GTPBP2: variants seen among roughly 807,000 people sequenced by gnomAD.
GTPBP2 encodes GTP binding protein 2.
GTPBP2 carries 32 observed loss-of-function variants against 63.0 expected under a neutral mutation model. That is an observed-to-expected ratio of 0.51 (90% CI 0.38 to 0.68). The LOEUF is 0.68. GTPBP2 is among the 30% of genes least tolerant of loss of function. The pLI is 0.00. For synonymous variants in GTPBP2, 310 were observed against 322.6 expected, an observed-to-expected ratio of 0.96 and a Z score of 0.42; for missense variants, 492 against 796.9, an observed-to-expected ratio of 0.62 and a Z score of 4.61.
chr6:43,624,507 T>C lies in GTPBP2; in HGVS notation c.1100+3A>G. On this transcript the variant is annotated splice_donor_region_variant and intron_variant, in intron 7 of 11. Coordinates refer to ENST00000307126, the MANE Select transcript of GTPBP2 (RefSeq NM_019096.5). The surrounding 1 kb of genome is among the most constrained non-coding windows in gnomAD (Gnocchi z 5.1). ...TCAGGGCTTTAGAGTAAGGTGGGCT[T>C]ACTTGGGTGACTGAGCAAACTGCTG... is the stretch of plus-strand genomic sequence containing the variant. 1.9e-6 allele frequency: 3 copies of C among 1,608,658 alleles called. No individual in the cohort carries two copies. The highest frequency in any genetic ancestry group is 2.5e-6 in the Non-Finnish European group (3 of 1,176,656).
At position 43,624,732 on chromosome 6, in the gene GTPBP2, G is replaced by A; in HGVS notation, c.881-3C>T. ...CAGATGTTCCCTTGTGGTGCCAGCT[G>A]CCTCATAAGGACAGCAAGCAGCAGG... On this transcript the variant is annotated splice_region_variant and splice_polypyrimidine_tract_variant and intron_variant, in intron 6 of 11. Transcript: ENST00000307126. The surrounding 1 kb of genome is among the most constrained non-coding windows in gnomAD (Gnocchi z 5.1). 1.9e-6 allele frequency: 3 copies of A among 1,613,056 alleles called. No individual in the cohort carries two copies. Among genetic ancestry groups the A allele is most frequent in the South Asian group, 1.1e-5 (1 of 91,052 alleles).
rs970791266 is a variant in GTPBP2, at chr6:43,627,000, C to T, written c.187-52G>A. 8 of 1,498,186 alleles carry T rather than the reference C, an allele frequency of 5.3e-6. No homozygotes were observed. In the African/African-American group the frequency reaches 5.6e-5, roughly 10 times the overall value. The allele number at this position is 1,498,186 out of a possible 1,614,324, so 92.8% of individuals were successfully genotyped here. A position where few individuals can be genotyped will look rare whatever the true frequency, so the allele number is the denominator to read the frequency against. Reference sequence around the variant, plus strand: ...ATACACTGTACAGACCCAATCCCTACTTCCCCTCAATTCCCACTGGGTCCA... The same window carrying T: ...ATACACTGTACAGACCCAATCCCTATTTCCCCTCAATTCCCACTGGGTCCA... On this transcript the variant is annotated intron_variant, in intron 1 of 11. Coordinates refer to ENST00000307126, the MANE Select transcript of GTPBP2 (RefSeq NM_019096.5). This position sits in a 1 kb window ranked among gnomAD's most constrained non-coding sequence, Gnocchi z 4.0.
intron 11 of GTPBP2, 95 bp downstream of exon 11, chr6:43,621,908 A>C (rs749533467): frequency 1.3e-6 from 2 of 1,598,398 alleles, no homozygotes; most frequent in Non-Finnish European, 1.7e-6. Flanking sequence ...GTGGGGTTTT[A>C]TTCCCATTGT....
rs542320424 is a variant in GTPBP2, at chr6:43,623,394, AAAAG to A, written c.1295+339_1295+342del. 1.6e-3 allele frequency: 441 copies of A among 267,276 alleles called. 1 individual carries two copies. Among genetic ancestry groups the A allele is most frequent in the Middle Eastern group, 6.3e-3 (5 of 796 alleles). 16.6% of individuals were successfully genotyped at this position (267,276 alleles called of 1,614,324 possible). ...AACAGAGCGAGACTCTGTCTCAAAA[AAAAG>A]AAAGAAAGAAAGAAAGAAGAGTCTT... On this transcript the variant is annotated intron_variant, in intron 9 of 11. Coordinates refer to ENST00000307126, the MANE Select transcript of GTPBP2 (RefSeq NM_019096.5).
Position 43,625,851 on chromosome 6 carries a change from T to C in GTPBP2, c.412A>G (p.Ile138Val). ...HRMAEKVGAD[I>V]TVLREREVDY... ...ACTTCTCGCTCTCGAAGAACGGTTATGTCTGCCCCAACCCTGTCACAGCAA... is the reference window on the plus strand; with the variant it reads ...ACTTCTCGCTCTCGAAGAACGGTTACGTCTGCCCCAACCCTGTCACAGCAA... Residue 138 changes from isoleucine (I) to valine (V), a missense_variant, in exon 4 of 12, where the codon ATA (isoleucine) becomes GTA (valine). By Grantham distance (29) the Ile-to-Val change is conservative. This residue lies in a region of GTPBP2 where 400 missense variants were observed against 710.8 expected (regional missense o/e 0.56). Coordinates refer to ENST00000307126, the MANE Select transcript of GTPBP2 (RefSeq NM_019096.5). The surrounding 1 kb of genome is among the most constrained non-coding windows in gnomAD (Gnocchi z 5.1). The C allele has an allele frequency of 6.2e-7, 1 of 1,613,836 alleles. No homozygotes were observed. The highest frequency in any genetic ancestry group is 8.5e-7 in the Non-Finnish European group (1 of 1,179,716).
In GTPBP2 at chr6:43,624,987, G is replaced by C; in HGVS notation, c.781C>G (p.Leu261Val). Reference protein sequence around the residue: ...SSSKMITFIDLAGHHKYLHTT... With the variant: ...SSSKMITFIDVAGHHKYLHTT... ...TGTAGGTACTTATGGTGGCCTGCCA[G>C]GTCGATGAAGGTGATCATCTTGGAG... Residue 261 changes from leucine to valine, a missense_variant, in exon 6 of 12, where the codon CTG (leucine) becomes GTG (valine). Physicochemically the swap from Leu to Val is conservative, Grantham distance 32. This residue lies in a region of GTPBP2 where 400 missense variants were observed against 710.8 expected (regional missense o/e 0.56). Transcript: ENST00000307126. The surrounding 1 kb of genome is among the most constrained non-coding windows in gnomAD (Gnocchi z 5.1). 1 of 1,613,936 alleles carries C rather than the reference G, an allele frequency of 6.2e-7. No homozygotes were observed. The highest frequency in any genetic ancestry group is 8.5e-7 in the Non-Finnish European group (1 of 1,179,942).
rs137900642 is a variant in GTPBP2, at chr6:43,625,937, G to T, written c.399-73C>A. On this transcript the variant is annotated intron_variant, in intron 3 of 11. Coordinates refer to ENST00000307126, the MANE Select transcript of GTPBP2 (RefSeq NM_019096.5). The surrounding 1 kb of genome is among the most constrained non-coding windows in gnomAD (Gnocchi z 5.1). ...ATTCCAGGCTCGCTCTGGACCTACA[G>T]ACTTCCTGCACCTCCCACAGAGCTC... is the stretch of plus-strand genomic sequence containing the variant. 8 of 1,183,230 alleles carry T rather than the reference G, an allele frequency of 6.8e-6. No homozygotes were observed. The Admixed American group carries it at 6.8e-5, about 10-fold the overall frequency. The allele number at this position is 1,183,230 out of a possible 1,614,324, so 73.3% of individuals were successfully genotyped here.
At position 43,625,296 on chromosome 6, in the gene GTPBP2, A is replaced by G. The variant is rs1582348416; in HGVS notation, c.705+67T>C. The G allele has an allele frequency of 6.9e-7, 1 of 1,441,904 alleles. No homozygotes were observed. Among genetic ancestry groups the G allele is most frequent in the East Asian group, 2.3e-5 (1 of 43,978 alleles). 89.3% of individuals were successfully genotyped at this position (1,441,904 alleles called of 1,614,324 possible). On this transcript the variant is annotated intron_variant, in intron 5 of 11. Transcript: ENST00000307126. The surrounding 1 kb of genome is among the most constrained non-coding windows in gnomAD (Gnocchi z 5.1). ...AGTCTCCACACTCTACCCCCATCCT[A>G]TGTCCTTCACTACTACCATCCCATC...
Position 43,621,353 on chromosome 6 carries a change from T to G in GTPBP2, c.*261A>C. ...CAGCTCCGGCAGACAGGCCACAGGGTTGCCAGGTTTGATGAGCCAACCAGG... is the reference window on the plus strand; with the variant it reads ...CAGCTCCGGCAGACAGGCCACAGGGGTGCCAGGTTTGATGAGCCAACCAGG... On this transcript the variant is annotated 3_prime_UTR_variant, in exon 12 of 12. Coordinates refer to ENST00000307126, the MANE Select transcript of GTPBP2 (RefSeq NM_019096.5). 7.3e-7 allele frequency: 1 copy of G among 1,376,986 alleles called. No homozygotes were observed. Among genetic ancestry groups the G allele is most frequent in the South Asian group, 1.2e-5 (1 of 80,524 alleles). The allele number at this position is 1,376,986 out of a possible 1,614,324, so 85.3% of individuals were successfully genotyped here.
rs1228382909 is a variant in GTPBP2 at position 43,622,026 on chromosome 6, C to G, written c.1609G>C (p.Val537Leu). ...ACCTTGGCATGGATCTTTTCCACCA[C>G]TGCCGTCTGACGTACGTTGCCCACG... is the stretch of plus-strand genomic sequence containing the variant. The part of the protein sequence containing the change: ...VHVGNVRQTA[V>L]VEKIHAKDKL... Residue 537 changes from valine (V) to leucine (L), a missense_variant, in exon 11 of 12, where the codon GTG becomes CTG. Physicochemically the swap from Val to Leu is conservative, Grantham distance 32. This residue lies in a region of GTPBP2 where 400 missense variants were observed against 710.8 expected (regional missense o/e 0.56). Transcript: ENST00000307126. This position sits in a 1 kb window ranked among gnomAD's most constrained non-coding sequence, Gnocchi z 5.4. 8.7e-6 allele frequency: 14 copies of G among 1,614,230 alleles called. No homozygotes were observed. The highest frequency in any genetic ancestry group is 2.2e-5 in the East Asian group (1 of 44,886).
rs950290120 is a variant in GTPBP2, at chr6:43,629,120, G to C, written c.43C>G (p.Pro15Ala). Residue 15 changes from proline to alanine, a missense_variant, in exon 1 of 12, where the codon CCC (proline) becomes GCC (alanine). Coordinates refer to ENST00000307126, the MANE Select transcript of GTPBP2 (RefSeq NM_019096.5). ...CCGCCCACGGCCGGGCCCCCTCCGG[G>C]CCGGCAGCAGCCGCCGAACAGCTCC... ...VSELFGGCCR[P>A]GGGPAVGGTL... The C allele has an allele frequency of 1.3e-6, 2 of 1,528,238 alleles. No individual in the cohort carries two copies. Among genetic ancestry groups the C allele is most frequent in the Non-Finnish European group, 1.7e-6 (2 of 1,143,630 alleles). The allele number at this position is 1,528,238 out of a possible 1,614,324, so 94.7% of individuals were successfully genotyped here.
upstream of GTPBP2, among the ~76,000 whole-genome samples, chr6:43,631,075 G>A (rs920278871): frequency 2.0e-5 from 3 of 152,306 alleles, no homozygotes; most frequent in African/African-American, 7.2e-5. Context: ...AGGGCCACAA[G>A]GAGGGAGGCA....
chr6:43,630,435 A>G (rs895473224), upstream of GTPBP2, among the ~76,000 whole-genome samples: 8 of 152,068 alleles, frequency 5.3e-5, no homozygotes, highest in African/African-American at 2.4e-5. Flanking sequence ...GTGCTCATAC[A>G]CGGTCAAGAA....
chr6:43,629,060 C>T lies in GTPBP2; in HGVS notation c.103G>A (p.Gly35Ser). ...LKARGAGSSS[G>S]CGGPKGKKKN... The stretch of plus-strand genomic sequence containing the variant: ...TTCTTTCCCTTTGGCCCCCCGCAGC[C>T]GCTGCTGCTGCCGGCCCCCCTAGCC... The change falls in exon 1 of 12, where the codon GGC becomes AGC. Residue 35 changes from glycine (G) to serine (S), a missense_variant. Physicochemically the swap from Gly to Ser is moderately conservative, Grantham distance 56. This residue lies in a region of GTPBP2 where 92 missense variants were observed against 86.1 expected (regional missense o/e 1.07). Transcript: ENST00000307126. 1 of 1,609,182 alleles carries T rather than the reference C, an allele frequency of 6.2e-7. No individual in the cohort carries two copies. Among genetic ancestry groups the T allele is most frequent in the Non-Finnish European group, 8.5e-7 (1 of 1,177,736 alleles).
rs924981342 is a variant in GTPBP2, at chr6:43,621,281, T to C, written c.*333A>G. 3 of 570,872 alleles carry C rather than the reference T, an allele frequency of 5.3e-6. No individual in the cohort carries two copies. Among genetic ancestry groups the C allele is most frequent in the Admixed American group, 2.6e-5 (1 of 39,124 alleles). 35.4% of individuals were successfully genotyped at this position (570,872 alleles called of 1,614,324 possible). A position where few individuals can be genotyped will look rare whatever the true frequency, so the allele number is the denominator to read the frequency against. On this transcript the variant is annotated 3_prime_UTR_variant, in exon 12 of 12. Coordinates refer to ENST00000307126, the MANE Select transcript of GTPBP2 (RefSeq NM_019096.5). Reference sequence around the variant, plus strand: ...GTGCAGAGACCACACCAGCAAAACATGCCCAGTCTTAGTAGTGGGGACGAA... The same window carrying C: ...GTGCAGAGACCACACCAGCAAAACACGCCCAGTCTTAGTAGTGGGGACGAA...
Position 43,623,955 on chromosome 6 carries a change from A to G in GTPBP2, c.1214T>C (p.Met405Thr). Reference protein sequence around the residue: ...LTNSKEQEELMQQLTEFQVDE... With the variant: ...LTNSKEQEELTQQLTEFQVDE... ...TACCTGGAACTCCGTCAGCTGCTGC[A>G]TGAGTTCCTCCTGCTCTTTGCTGTT... Residue 405 changes from methionine to threonine, a missense_variant, in exon 8 of 12, where the codon ATG becomes ACG. Met to Thr is a moderately conservative substitution (Grantham distance 81). Coordinates refer to ENST00000307126, the MANE Select transcript of GTPBP2 (RefSeq NM_019096.5). 1 of 1,614,156 alleles carries G rather than the reference A, an allele frequency of 6.2e-7. No individual in the cohort carries two copies. Among genetic ancestry groups the G allele is most frequent in the Non-Finnish European group, 8.5e-7 (1 of 1,179,974 alleles).
At position 43,626,933 on chromosome 6, in the gene GTPBP2, T is replaced by C. The variant is rs775616348; in HGVS notation, c.202A>G (p.Ile68Val). Reference protein sequence around the residue: ...YLPPEAEDGNIEYKLKLVNPS... With the variant: ...YLPPEAEDGNVEYKLKLVNPS... ...AGCCTAGGACTCACTTTATATTCAA[T>C]GTTTCCATCTTCAGCCTGAAAAGAA... Residue 68 changes from isoleucine (I) to valine (V), a missense_variant, in exon 2 of 12, where the codon ATT becomes GTT. By Grantham distance (29) the Ile-to-Val change is conservative (BLOSUM62 3). Around this residue, in one of 2 missense-constraint regions of GTPBP2, gnomAD observed 400 missense variants for 710.8 expected, o/e 0.56. Transcript: ENST00000307126. The surrounding 1 kb of genome is among the most constrained non-coding windows in gnomAD (Gnocchi z 4.0). The C allele has an allele frequency of 3.1e-6, 5 of 1,612,950 alleles. No homozygotes were observed. The South Asian group carries it at 3.3e-5, about 11-fold the overall frequency.
rs1332427077 is a variant in GTPBP2 at position 43,624,108 on chromosome 6, C to T, written c.1101-40G>A. ...ATGGAATGGACAGATGAAGACAGTC[C>T]AAACAGGAGGCAGAGGCCAGAGCCC... On this transcript the variant is annotated intron_variant, in intron 7 of 11. Coordinates refer to ENST00000307126, the MANE Select transcript of GTPBP2 (RefSeq NM_019096.5). This position sits in a 1 kb window ranked among gnomAD's most constrained non-coding sequence, Gnocchi z 5.1. 1 of 1,566,388 alleles carries T rather than the reference C, an allele frequency of 6.4e-7. No homozygotes were observed. Among genetic ancestry groups the T allele is most frequent in the Non-Finnish European group, 8.7e-7 (1 of 1,151,800 alleles).
rs1769147417 is a variant in GTPBP2, at chr6:43,624,646, C to T, written c.964G>A (p.Ala322Thr). The T allele has an allele frequency of 6.2e-7, 1 of 1,614,044 alleles. No individual in the cohort carries two copies. The highest frequency in any genetic ancestry group is 1.3e-5 in the African/African-American group (1 of 74,912). ...ACTGTCCTCTCCACTGTGGTCTTGG[C>T]ACATAGGTCGATCTTGCTGACCACG... is the stretch of plus-strand genomic sequence containing the variant. ...FIVVSKIDLCAKTTVERTVRQ... is the reference protein window; with the variant it reads ...FIVVSKIDLCTKTTVERTVRQ... Residue 322 changes from alanine to threonine, a missense_variant, in exon 7 of 12, where the codon GCC becomes ACC. Coordinates refer to ENST00000307126, the MANE Select transcript of GTPBP2 (RefSeq NM_019096.5). The surrounding 1 kb of genome is among the most constrained non-coding windows in gnomAD (Gnocchi z 5.1).
Sources: allele counts gnomAD v4.1 joint callset (sites outside exome capture counted in the v4.1 genomes callset), GRCh38; gene constraint gnomAD v4.1.1; regional missense constraint gnomAD v4.1.1; non-coding constraint Gnocchi (gnomAD v3.1); transcripts MANE v1.5; gene names NCBI Gene and HGNC (gene_info 2026-07-23, HGNC 2026-07-21).